Variants in CDC73 observed in about 807,000 individuals in gnomAD.
CDC73 encodes the protein cell division cycle 73.
A neutral mutation model predicts 83.7 loss-of-function variants in CDC73; 21 were observed. The ratio of observed to expected loss-of-function variants is 0.25; its 90% confidence interval spans 0.18 to 0.36. The LOEUF (loss-of-function observed/expected upper bound fraction) is 0.36. CDC73 is among the 10% of genes least tolerant of loss of function. CDC73 has a pLI of 1.00. For missense variants in CDC73, 342 were observed against 653.3 expected (o/e 0.52, Z 5.19); for synonymous variants, 224 against 212.9 (o/e 1.05, Z -0.45).
chr1:193,206,468 T>G (rs1375811469), intron 11 of CDC73, among the ~76,000 whole-genome samples: 4 of 152,242 alleles, frequency 2.6e-5, no homozygotes, highest in Non-Finnish European at 5.9e-5. Context: ...TAGTAGTAGT[T>G]TGAAGTCTTT....
At chr1:193,145,106 G>C (rs1675974081) in intron 7 of CDC73, among the ~76,000 whole-genome samples, 1 of 152,186 alleles carries the variant, frequency 6.6e-6, no homozygotes, top group Non-Finnish European at 1.5e-5. Context: ...TTTGGAAAAT[G>C]TGCATAATTC....
At chr1:193,234,234 A>T (rs372379345) in intron 14 of CDC73, among the ~76,000 whole-genome samples, 1 of 26,708 alleles carries the variant, frequency 3.7e-5, no homozygotes, top group Non-Finnish European at 1.1e-4. Flanking sequence ...TATATATTTA[A>T]AATTTATATA....
intron 10 of CDC73, among the ~76,000 whole-genome samples, chr1:193,188,955 G>GT (rs552692219): frequency 0.033 from 4,596 of 137,440 alleles, 91 homozygotes; most frequent in South Asian, 0.047. Flanking sequence ...CTGTCTGTCT[G>GT]TTTTTTTTTT....
At chr1:193,202,357 A>G (rs1273710461) in intron 10 of CDC73, among the ~76,000 whole-genome samples, 1 of 149,122 alleles carries the variant, frequency 6.7e-6, no homozygotes, top group African/African-American at 2.4e-5. Context: ...GTTCCCCCAC[A>G]TCATAATGAT....
intron 13 of CDC73, among the ~76,000 whole-genome samples, chr1:193,225,950 T>C (rs1186143437): frequency 6.6e-6 from 1 of 152,150 alleles, no homozygotes; most frequent in Non-Finnish European, 1.5e-5. Context: ...TGCATCTGCT[T>C]TTTGGTTCGT....
At chr1:193,174,311 C>T (rs559793091) in intron 10 of CDC73, among the ~76,000 whole-genome samples, 1 of 151,660 alleles carries the variant, frequency 6.6e-6, no homozygotes, top group African/African-American at 2.4e-5. Flanking sequence ...TTTTCAGGAC[C>T]CTTTTTCTTC....
intron 10 of CDC73, among the ~76,000 whole-genome samples, chr1:193,166,651 CT>C (rs1222917697): frequency 2.0e-3 from 281 of 139,074 alleles, no homozygotes; most frequent in South Asian, 2.8e-3. Context: ...CACTTTTTTT[CT>C]TTTTTTTTTT....
intron 13 of CDC73, among the ~76,000 whole-genome samples, chr1:193,225,632 T>G (rs1407312082): frequency 6.6e-6 from 1 of 152,196 alleles, no homozygotes; most frequent in Admixed American, 6.5e-5. Flanking sequence ...GCATTTTGGT[T>G]TTGATTTGCA....
intron 11 of CDC73, among the ~76,000 whole-genome samples, chr1:193,207,904 C>T (rs1677216779): frequency 6.6e-6 from 1 of 152,192 alleles, no homozygotes; most frequent in Non-Finnish European, 1.5e-5. Context: ...CTCCTCTTAT[C>T]CCATAGTTTT....
At chr1:193,222,862 C>T (rs1677497184) in intron 13 of CDC73, among the ~76,000 whole-genome samples, 2 of 150,582 alleles carry the variant, frequency 1.3e-5, no homozygotes, top group African/African-American at 4.9e-5. Flanking sequence ...TTCTATCTTC[C>T]ATGTTTCTTA....
At chr1:193,180,074 C>T (rs1307701674) in intron 10 of CDC73, 17 of 389,940 alleles carry the variant, frequency 4.4e-5, no homozygotes, top group Non-Finnish European at 7.1e-5. Flanking sequence ...CACAGAATCT[C>T]CTTATACAGT....
chr1:193,180,740 G>A lies in CDC73; in HGVS notation c.973-23055G>A, dbSNP rs1676700450. 1 of 1,614,030 alleles carries A rather than the reference G, an allele frequency of 6.2e-7. No homozygotes were observed. Among genetic ancestry groups the A allele is most frequent in the Non-Finnish European group, 8.5e-7 (1 of 1,179,926 alleles). The stretch of plus-strand genomic sequence containing the variant: ...ATTAGGTAACCAGTGAAATAGTTAT[G>A]TCTGGGAGGCAGATCTGGCTTCAGT... On this transcript the variant is annotated intron_variant, in intron 10 of 16. Transcript: ENST00000367435.
At chr1:193,124,990 C>CT (rs1051662046) in intron 1 of CDC73, 122 bp from the exon 2 acceptor site, 99 of 683,830 alleles carry the variant, frequency 1.4e-4, no homozygotes, top group Middle Eastern at 2.5e-4. Flanking sequence ...AGATTTTATA[C>CT]TTTTTTTTTG....
intron 10 of CDC73, among the ~76,000 whole-genome samples, chr1:193,165,580 A>G (rs1370728420): frequency 6.6e-6 from 1 of 152,242 alleles, no homozygotes; most frequent in Admixed American, 6.5e-5. Flanking sequence ...TATTTTTCAT[A>G]ATTGGTGGAT....
chr1:193,169,062 T>C (rs941809314), intron 10 of CDC73, among the ~76,000 whole-genome samples: 1 of 152,226 alleles, frequency 6.6e-6, no homozygotes, highest in Non-Finnish European at 1.5e-5. Context: ...TGTATTTTGC[T>C]TACTCTTGAC....
chr1:193,188,499 A>G (rs889858541), intron 10 of CDC73, among the ~76,000 whole-genome samples: 2 of 152,158 alleles, frequency 1.3e-5, no homozygotes. Flanking sequence ...TAATAGAATA[A>G]TAAATGAATG....
chr1:193,188,625 C>A (rs1286506833), intron 10 of CDC73, among the ~76,000 whole-genome samples: 4 of 152,010 alleles, frequency 2.6e-5, no homozygotes, highest in Admixed American at 2.6e-4. Context: ...GAGACATTCC[C>A]TACCCCTTTC....
intron 15 of CDC73, among the ~76,000 whole-genome samples, chr1:193,248,712 A>C (rs1239690312): frequency 6.6e-6 from 1 of 152,090 alleles, no homozygotes; most frequent in Non-Finnish European, 1.5e-5. Context: ...TGAGGGGTTC[A>C]AGACTTCAGT....
At position 193,180,489 on chromosome 1, in the gene CDC73, A is replaced by C. The variant is rs201950214; in HGVS notation, c.973-23306A>C. 3.1e-6 allele frequency: 5 copies of C among 1,614,004 alleles called. No homozygotes were observed. The East Asian group carries it at 8.9e-5, about 29-fold the overall frequency. The stretch of plus-strand genomic sequence containing the variant: ...AGTGATTGAACACAAACTCATTGGG[A>C]GGGGGTACAGGATCAATTCTCAACT... On this transcript the variant is annotated intron_variant, in intron 10 of 16. Coordinates refer to ENST00000367435, the MANE Select transcript of CDC73 (RefSeq NM_024529.5).
Sources: allele counts gnomAD v4.1 joint callset (sites outside exome capture counted in the v4.1 genomes callset), GRCh38; gene constraint gnomAD v4.1.1; transcripts MANE v1.5; gene names NCBI Gene and HGNC (gene_info 2026-07-23, HGNC 2026-07-21).